The following HINT2 variants were observed in gnomAD, a reference collection of about 807,000 sequenced individuals.
The protein encoded by HINT2 is adenosine 5'-monophosphoramidase HINT2.
Under a neutral mutation model 20.0 loss-of-function variants are expected in HINT2, and 17 were observed. The observed-to-expected ratio is 0.85, with a 90% confidence interval of 0.58 to 1.27. The LOEUF is 1.27. Ranked by LOEUF, HINT2 falls within the 50% of genes most tolerant of loss-of-function variation. HINT2 has a pLI of 0.00. For missense variants in HINT2, 217 were observed against 211.9 expected (o/e 1.02, Z -0.15); for synonymous variants, 96 against 84.2 (o/e 1.14, Z -0.77).
chr9:35,814,044 G>A (rs1028224302), intron 1 of HINT2: 1 of 424,826 alleles, frequency 2.4e-6, no homozygotes, highest in African/African-American at 2.0e-5. Context: ...TTAGGGAAAG[G>A]ATCTAGAATG....
Position 35,814,975 on chromosome 9 carries a change from G to A in HINT2, c.5C>T (p.Ala2Val). The A allele has an allele frequency of 2.7e-6, 4 of 1,472,696 alleles. No homozygotes were observed. Among genetic ancestry groups the A allele is most frequent in the Non-Finnish European group, 3.6e-6 (4 of 1,119,322 alleles). The allele number at this position is 1,472,696 out of a possible 1,614,324, so 91.2% of individuals were successfully genotyped here. A position where few individuals can be genotyped will look rare whatever the true frequency, so the allele number is the denominator to read the frequency against. M[A>V]AAVVLAAGLR... Reference sequence around the variant, plus strand: ...CCCAGCAGCCAGCACCACGGCTGCCGCCATCTTCCCTGAGCCGCGGGAACC... The same window carrying A: ...CCCAGCAGCCAGCACCACGGCTGCCACCATCTTCCCTGAGCCGCGGGAACC... Residue 2 changes from alanine to valine, a missense_variant, in exon 1 of 5, where the codon GCG (alanine) becomes GTG (valine). Transcript: ENST00000259667.
In HINT2 at chr9:35,812,978, A is replaced by G; in HGVS notation, c.*76T>C. 1 of 1,105,692 alleles carries G rather than the reference A, an allele frequency of 9.0e-7. No individual in the cohort carries two copies. The highest frequency in any genetic ancestry group is 1.4e-6 in the Non-Finnish European group (1 of 717,278). The allele number at this position is 1,105,692 out of a possible 1,614,324, so 68.5% of individuals were successfully genotyped here. On this transcript the variant is annotated 3_prime_UTR_variant, in exon 5 of 5. Coordinates refer to ENST00000259667, the MANE Select transcript of HINT2 (RefSeq NM_032593.3). Reference sequence around the variant, plus strand: ...AGCATAATTAAGGGAGAACAGTTTTATTAGCATCACAGGGTCCATTTTTCC... The same window carrying G: ...AGCATAATTAAGGGAGAACAGTTTTGTTAGCATCACAGGGTCCATTTTTCC...
intron 1 of HINT2, 93 bp from the exon 2 acceptor site, chr9:35,813,877 G>A (rs1332272881): frequency 7.2e-6 from 10 of 1,393,106 alleles, no homozygotes; most frequent in South Asian, 1.4e-5. Flanking sequence ...CCTATTCATC[G>A]TTCCCACCCA....
rs770554130 is a variant in HINT2, at chr9:35,813,129, C to T, written c.417G>A (p.Lys139=). ...GATGATACACAGATTGTGCACCCAGCTTCCCATCGTTGATCACTGAAATTG... is the reference window on the plus strand; with the variant it reads ...GATGATACACAGATTGTGCACCCAGTTTCCCATCGTTGATCACTGAAATTG... ...DGYRLVINDG[K]LGAQSVYHLH... The change falls in exon 5 of 5, where the codon AAG becomes AAA. Residue 139 remains lysine (K), a synonymous_variant. Transcript: ENST00000259667. 90 of 1,614,092 alleles carry T rather than the reference C, an allele frequency of 5.6e-5. No individual in the cohort carries two copies. The highest frequency in any genetic ancestry group is 4.8e-4 in the Admixed American group (29 of 60,010).
At position 35,813,682 on chromosome 9, in the gene HINT2, T is replaced by G; in HGVS notation, c.184A>C (p.Lys62Gln). ...TAGAGAATGTCAGCTGGGAGGCTCTTGTCCAGGATCCGGGAGAAGATGGTT... is the reference window on the plus strand; with the variant it reads ...TAGAGAATGTCAGCTGGGAGGCTCTGGTCCAGGATCCGGGAGAAGATGGTT... ...APTIFSRILD[K>Q]SLPADILYED... The change falls in exon 2 of 5, where the codon AAG (lysine) becomes CAG (glutamine). Residue 62 changes from lysine (K) to glutamine (Q), a missense_variant. Coordinates refer to ENST00000259667, the MANE Select transcript of HINT2 (RefSeq NM_032593.3). 6.2e-7 allele frequency: 1 copy of G among 1,614,160 alleles called. No homozygotes were observed. The highest frequency in any genetic ancestry group is 8.5e-7 in the Non-Finnish European group (1 of 1,180,026).
At chr9:35,813,915 C>G in intron 1 of HINT2, 131 bp from the exon 2 acceptor site, 2 of 1,056,014 alleles carry the variant, frequency 1.9e-6, no homozygotes, top group South Asian at 1.6e-5. Context: ...TTTCAGAGCA[C>G]CAGCAGCAAA....
rs1387266364 is a variant in HINT2, at chr9:35,812,994, C to G, written c.*60G>C. 2.1e-5 allele frequency: 26 copies of G among 1,249,042 alleles called. No individual in the cohort carries two copies. In the South Asian group the frequency reaches 3.1e-4, roughly 15 times the overall value. The allele number at this position is 1,249,042 out of a possible 1,614,324, so 77.4% of individuals were successfully genotyped here. A position where few individuals can be genotyped will look rare whatever the true frequency, so the allele number is the denominator to read the frequency against. ...AACAGTTTTATTAGCATCACAGGGT[C>G]CATTTTTCCCTTTCCATCCAAGCAT... On this transcript the variant is annotated 3_prime_UTR_variant, in exon 5 of 5. Coordinates refer to ENST00000259667, the MANE Select transcript of HINT2 (RefSeq NM_032593.3).
Position 35,813,483 on chromosome 9 carries a change from T to G in HINT2, c.289A>C (p.Ile97Leu). Residue 97 changes from isoleucine (I) to leucine (L), a missense_variant, in exon 3 of 5, where the codon ATT becomes CTT. Coordinates refer to ENST00000259667, the MANE Select transcript of HINT2 (RefSeq NM_032593.3). ...TCTTCAGCCTGGCTAATCCGAGGAA[T>G]GGGCTTCTTAGGAATGACCAGGAAG... ...VHFLVIPKKPIPRISQAEEED... is the reference protein window; with the variant it reads ...VHFLVIPKKPLPRISQAEEED... The G allele has an allele frequency of 6.2e-7, 1 of 1,614,132 alleles. No homozygotes were observed. The highest frequency in any genetic ancestry group is 8.5e-7 in the Non-Finnish European group (1 of 1,180,020).
At position 35,815,027 on chromosome 9, in the gene HINT2, G is replaced by C. The variant is rs1828986476; in HGVS notation, c.-48C>G. 3 of 1,364,596 alleles carry C rather than the reference G, an allele frequency of 2.2e-6. No homozygotes were observed. Among genetic ancestry groups the C allele is most frequent in the Non-Finnish European group, 2.8e-6 (3 of 1,062,684 alleles). The allele number at this position is 1,364,596 out of a possible 1,614,324, so 84.5% of individuals were successfully genotyped here. A position where few individuals can be genotyped will look rare whatever the true frequency, so the allele number is the denominator to read the frequency against. The stretch of plus-strand genomic sequence containing the variant: ...CTCACCCGGGTCAGCACTCGGCTCC[G>C]CGGCCGGCCGTGGGTGGGGACTCCG... On this transcript the variant is annotated 5_prime_UTR_variant, in exon 1 of 5. Coordinates refer to ENST00000259667, the MANE Select transcript of HINT2 (RefSeq NM_032593.3).
intron 1 of HINT2, 38 bp downstream of exon 1, chr9:35,814,861 C>A: frequency 6.8e-7 from 1 of 1,467,178 alleles, no homozygotes; most frequent in Non-Finnish European, 9.0e-7. Context: ...GCTTCGGAGC[C>A]CGCAGGACCC....
At chr9:35,813,169 G>A in intron 4 of HINT2, 24 bp from the exon 5 acceptor site, 1 of 1,613,566 alleles carries the variant, frequency 6.2e-7, no homozygotes, top group Non-Finnish European at 8.5e-7. Flanking sequence ...TGGGGTTAGG[G>A]AGTCAGGATC....
intron 1 of HINT2, chr9:35,814,027 G>C (rs1828943781): frequency 1.9e-6 from 1 of 514,682 alleles, no homozygotes; most frequent in Non-Finnish European, 3.5e-6. Context: ...ACGAAATATA[G>C]CACTGTTTAG....
rs893321891 is a variant in HINT2 at position 35,814,969 on chromosome 9, G to C, written c.11C>G (p.Ala4Gly). ...GCGCAACCCAGCAGCCAGCACCACG[G>C]CTGCCGCCATCTTCCCTGAGCCGCG... MAAAVVLAAGLRAA... is the reference protein window; with the variant it reads MAAGVVLAAGLRAA... The change falls in exon 1 of 5, where the codon GCC becomes GGC. Residue 4 changes from alanine (A) to glycine (G), a missense_variant. Ala to Gly is a moderately conservative substitution (Grantham distance 60, BLOSUM62 0). Transcript: ENST00000259667. 2.7e-6 allele frequency: 4 copies of C among 1,474,274 alleles called. No individual in the cohort carries two copies. Among genetic ancestry groups the C allele is most frequent in the East Asian group, 6.0e-5 (2 of 33,544 alleles). 91.3% of individuals were successfully genotyped at this position (1,474,274 alleles called of 1,614,324 possible). A position where few individuals can be genotyped will look rare whatever the true frequency, so the allele number is the denominator to read the frequency against.
At chr9:35,814,630 G>C in intron 1 of HINT2, 1 of 444,310 alleles carries the variant, frequency 2.3e-6, no homozygotes, top group Non-Finnish European at 4.0e-6. Context: ...GGGCCAGCTG[G>C]GCTGCAGGCA....
chr9:35,815,197 G>A (rs760934399), upstream of HINT2: 1 of 466,350 alleles, frequency 2.1e-6, no homozygotes, highest in Non-Finnish European at 3.8e-6. Context: ...ACCAACGCGA[G>A]GACAATTTTC....
chr9:35,813,724 G>A lies in HINT2; in HGVS notation c.142C>T (p.Pro48Ser), dbSNP rs773829371. ...NEVAKAQQAT[P>S]GGAAPTIFSR... is the part of the protein sequence containing the mutation. ...AAGATGGTTGGGGCTGCTCCCCCAG[G>A]AGTTGCCTGCTGGGCCTTGGCCACT... Residue 48 changes from proline (P) to serine (S), a missense_variant, in exon 2 of 5, where the codon CCT becomes TCT. Transcript: ENST00000259667. 4 of 1,614,076 alleles carry A rather than the reference G, an allele frequency of 2.5e-6. No homozygotes were observed. The highest frequency in any genetic ancestry group is 3.4e-6 in the Non-Finnish European group (4 of 1,179,942).
intron 1 of HINT2, 195 bp downstream of exon 1, chr9:35,814,704 G>C: frequency 1.9e-6 from 1 of 536,518 alleles, no homozygotes. Flanking sequence ...GGCCTGCGCA[G>C]GGCGGGAATC....
chr9:35,814,123 C>T (rs1241345550), intron 1 of HINT2: 1 of 224,574 alleles, frequency 4.5e-6, no homozygotes, highest in Non-Finnish European at 8.8e-6. Context: ...TAAATTCCTT[C>T]TCTCAGCTTC....
rs780482955 is a variant in HINT2 at position 35,813,691 on chromosome 9, TC to T, written c.174del (p.Ile59SerfsTer53). On this transcript the variant is annotated frameshift_variant, in exon 2 of 5. Transcript: ENST00000259667. LOFTEE classifies it high-confidence loss of function. Reference sequence around the variant, plus strand: ...TCAGCTGGGAGGCTCTTGTCCAGGATCCGGGAGAAGATGGTTGGGGCTGCTC... The same window carrying T: ...TCAGCTGGGAGGCTCTTGTCCAGGATCGGGAGAAGATGGTTGGGGCTGCTC... ...PGGAAPTIFS[R>X]ILDKSLPADI... 6.2e-7 allele frequency: 1 copy of T among 1,614,144 alleles called. No homozygotes were observed. Among genetic ancestry groups the T allele is most frequent in the South Asian group, 1.1e-5 (1 of 91,078 alleles).
Sources: allele counts gnomAD v4.1 joint callset, GRCh38; gene constraint gnomAD v4.1.1; transcripts MANE v1.5; gene names NCBI Gene and HGNC (gene_info 2026-07-23, HGNC 2026-07-21).